The following RPTOR variants were observed in gnomAD, a reference collection of about 807,000 sequenced individuals.
The protein encoded by RPTOR is regulatory-associated protein of mTOR.
Under a neutral mutation model 169.9 loss-of-function variants are expected in RPTOR, and 21 were observed. That is an observed-to-expected ratio of 0.12 (90% CI 0.09 to 0.18). The LOEUF is 0.18. RPTOR is among the 10% of genes least tolerant of loss of function. The pLI is 1.00. For synonymous variants in RPTOR, 732 were observed against 753.2 expected (o/e 0.97, Z 0.46); for missense variants, 1,133 against 1,855.9 (o/e 0.61, Z 7.16).
At chr17:80,782,043 C>T (rs75464033) in intron 6 of RPTOR, among the ~76,000 whole-genome samples, 178 of 152,348 alleles carry the variant, frequency 1.2e-3, no homozygotes, top group African/African-American at 4.0e-3. Flanking sequence ...ATGATCTGCG[C>T]GAGGCGGCCC....
intron 3 of RPTOR, among the ~76,000 whole-genome samples, chr17:80,679,430 G>T (rs987505302): frequency 6.6e-5 from 10 of 152,290 alleles, no homozygotes; most frequent in African/African-American, 2.2e-4. Flanking sequence ...AAAGATTTTT[G>T]GGGGGTGGTG....
chr17:80,871,586 T>C (rs1023514478), intron 13 of RPTOR, among the ~76,000 whole-genome samples: 8 of 152,314 alleles, frequency 5.3e-5, no homozygotes, highest in Admixed American at 2.0e-4. Flanking sequence ...GGGCTGCTCT[T>C]TGGAAGGAAG....
chr17:80,700,517 ATGGTGG>A (rs1240666302), intron 3 of RPTOR, among the ~76,000 whole-genome samples: 1 of 83,492 alleles, frequency 1.2e-5, no homozygotes, highest in Non-Finnish European at 2.5e-5. Context: ...GGTGATGGTG[ATGGTGG>A]TGGTGGTGGT....
chr17:80,617,311 A>C (rs7503807), intron 1 of RPTOR, among the ~76,000 whole-genome samples: 64,185 of 152,070 alleles, frequency 0.42, 13,786 homozygotes, highest in African/African-American at 0.48. Flanking sequence ...GTGCCATTTA[A>C]TATTCTTTGA....
chr17:80,726,413 T>C lies in RPTOR; in HGVS notation c.508-4147T>C, dbSNP rs1285607997. Reference sequence around the variant, plus strand: ...GTGGAGGGAGAGACTGCCAGTGCTGTCCTAGTGCAGCAGTACCTCATGGTT... The same window carrying C: ...GTGGAGGGAGAGACTGCCAGTGCTGCCCTAGTGCAGCAGTACCTCATGGTT... On this transcript the variant is annotated intron_variant, in intron 4 of 33. Coordinates refer to ENST00000306801, the MANE Select transcript of RPTOR (RefSeq NM_020761.3). The surrounding 1 kb of genome is among the most constrained non-coding windows in gnomAD (Gnocchi z 4.5). Among the ~76,000 whole-genome samples, 1 of 152,168 alleles carries C rather than the reference T, an allele frequency of 6.6e-6. No homozygotes were observed. Among genetic ancestry groups the C allele is most frequent in the African/African-American group, 2.4e-5 (1 of 41,442 alleles).
intron 3 of RPTOR, among the ~76,000 whole-genome samples, chr17:80,679,199 C>T (rs754947837): frequency 3.9e-5 from 6 of 152,206 alleles, no homozygotes; most frequent in Non-Finnish European, 7.3e-5. Context: ...ATGGCCTGAA[C>T]CCCAGAGGTG....
At chr17:80,589,282 A>G (rs887775361) in intron 1 of RPTOR, among the ~76,000 whole-genome samples, 3 of 151,688 alleles carry the variant, frequency 2.0e-5, no homozygotes, top group Non-Finnish European at 4.4e-5. Flanking sequence ...AAGGGCTGAG[A>G]CGCGCCTGGG....
chr17:80,607,162 C>A (rs2143472969), intron 1 of RPTOR, among the ~76,000 whole-genome samples: 1 of 152,226 alleles, frequency 6.6e-6, no homozygotes, highest in East Asian at 1.9e-4. Context: ...CTTGAACGCC[C>A]CCCTTGCCTC....
At chr17:80,575,227 A>T (rs2064951424) in intron 1 of RPTOR, among the ~76,000 whole-genome samples, 1 of 146,462 alleles carries the variant, frequency 6.8e-6, no homozygotes, top group South Asian at 2.2e-4. Context: ...CTGGTCTTGA[A>T]TCCTGGCTCC....
intron 33 of RPTOR, 96 bp downstream of exon 33, chr17:80,963,153 C>T: frequency 8.1e-7 from 1 of 1,236,082 alleles, no homozygotes; most frequent in Non-Finnish European, 1.1e-6. Context: ...CCTGGCTACC[C>T]CACACCACAG....
At chr17:80,847,307 T>G (rs2067742755) in intron 11 of RPTOR, among the ~76,000 whole-genome samples, 1 of 152,204 alleles carries the variant, frequency 6.6e-6, no homozygotes, top group African/African-American at 2.4e-5. Flanking sequence ...GCTGGCTGGT[T>G]TTTGGTCACT....
chr17:80,722,991 C>T (rs1159609510), intron 4 of RPTOR, among the ~76,000 whole-genome samples: 1 of 151,318 alleles, frequency 6.6e-6, no homozygotes, highest in Non-Finnish European at 1.5e-5. Context: ...AGATGCTGCT[C>T]AGGTGTTTTG....
At chr17:80,637,047 C>A (rs1176036466) in intron 2 of RPTOR, among the ~76,000 whole-genome samples, 1 of 152,242 alleles carries the variant, frequency 6.6e-6, no homozygotes, top group Admixed American at 6.5e-5. Flanking sequence ...GTGTGAATCC[C>A]CAGTGCTTTA....
intron 21 of RPTOR, among the ~76,000 whole-genome samples, chr17:80,909,154 G>A (rs774438505): frequency 2.6e-4 from 40 of 152,196 alleles, no homozygotes; most frequent in Non-Finnish European, 4.1e-4. Context: ...GCCTGTCAAG[G>A]CAATTAGGGG....
chr17:80,908,712 CT>C lies in RPTOR; in HGVS notation c.2402-97del, dbSNP rs557134897. On this transcript the variant is annotated intron_variant, in intron 20 of 33. Transcript: ENST00000306801. ...GTAACCTCGGCTCTTTAAAGCAACACTTCTGATACCAGGGTTAGGGTTTCAG... is the reference window on the plus strand; with the variant it reads ...GTAACCTCGGCTCTTTAAAGCAACACTCTGATACCAGGGTTAGGGTTTCAG... 1.7e-3 allele frequency: 1,404 copies of C among 830,964 alleles called. 15 individuals are homozygous for C. Among genetic ancestry groups the C allele is most frequent in the Middle Eastern group, 6.5e-3 (28 of 4,340 alleles). The allele number at this position is 830,964 out of a possible 1,614,324, so 51.5% of individuals were successfully genotyped here.
At chr17:80,674,966 G>A (rs1317738984) in intron 3 of RPTOR, among the ~76,000 whole-genome samples, 1 of 152,170 alleles carries the variant, frequency 6.6e-6, no homozygotes, top group African/African-American at 2.4e-5. Flanking sequence ...CAGGTGACCA[G>A]TTGCTTCCAA....
At chr17:80,897,832 G>C (rs928613124) in intron 20 of RPTOR, among the ~76,000 whole-genome samples, 1 of 152,198 alleles carries the variant, frequency 6.6e-6, no homozygotes, top group Non-Finnish European at 1.5e-5. Flanking sequence ...AGCAGAGGTT[G>C]CAGTGAGCCA....
intron 2 of RPTOR, among the ~76,000 whole-genome samples, chr17:80,634,597 T>C (rs1178850283): frequency 3.8e-4 from 8 of 21,230 alleles, no homozygotes; most frequent in African/African-American, 1.3e-3. Context: ...ACTGTGTGTG[T>C]GCGTACTGTG....
intron 7 of RPTOR, among the ~76,000 whole-genome samples, chr17:80,795,230 C>T (rs1174416314): frequency 1.3e-5 from 2 of 152,218 alleles, no homozygotes; most frequent in Non-Finnish European, 2.9e-5. Context: ...TCTACAGCAG[C>T]ATGCTCTGTT....
Sources: allele counts gnomAD v4.1 joint callset (sites outside exome capture counted in the v4.1 genomes callset), GRCh38; gene constraint gnomAD v4.1.1; non-coding constraint Gnocchi (gnomAD v3.1); transcripts MANE v1.5; gene names NCBI Gene and HGNC (gene_info 2026-07-23, HGNC 2026-07-21).